Variants in FGD4 observed in about 807,000 individuals in gnomAD.
FGD4 encodes FYVE, RhoGEF and PH domain-containing protein 4.
Under a neutral mutation model 102.0 loss-of-function variants are expected in FGD4, and 42 were observed. That is an observed-to-expected ratio of 0.41 (90% CI 0.32 to 0.53). The LOEUF (loss-of-function observed/expected upper bound fraction) is 0.53, where lower values mean the gene tolerates loss of function less well. Ranked by LOEUF, FGD4 falls within the 20% of genes least tolerant of loss-of-function variation. FGD4 has a pLI of 0.21. For synonymous variants in FGD4, 380 were observed against 375.7 expected (o/e 1.01, Z -0.13); for missense variants, 902 against 1,078.2 (o/e 0.84, Z 2.29).
intron 1 of FGD4, among the ~76,000 whole-genome samples, chr12:32,471,684 G>A (rs775418524): frequency 4.6e-5 from 7 of 152,050 alleles, no homozygotes; most frequent in Non-Finnish European, 7.4e-5. Flanking sequence ...TGTGGTGTTG[G>A]CTAGGTGCTG....
At chr12:32,458,859 C>T (rs750455248) in intron 1 of FGD4, among the ~76,000 whole-genome samples, 1 of 152,138 alleles carries the variant, frequency 6.6e-6, no homozygotes, top group Non-Finnish European at 1.5e-5. Flanking sequence ...AAGCATTCAC[C>T]CATTCTGTAG....
At chr12:32,486,841 T>A (rs1355696851) in intron 1 of FGD4, among the ~76,000 whole-genome samples, 1 of 152,218 alleles carries the variant, frequency 6.6e-6, no homozygotes, top group East Asian at 1.9e-4. Context: ...AGAAACATTT[T>A]AAATTTTAAA....
chr12:32,422,838 A>G (rs10844202), intron 1 of FGD4, among the ~76,000 whole-genome samples: 14,472 of 152,192 alleles, frequency 0.095, 810 homozygotes, highest in Middle Eastern at 0.21. Flanking sequence ...TTTACTGAGT[A>G]CTTACATTTT....
intron 7 of FGD4, 77 bp from the exon 8 acceptor site, chr12:32,607,880 A>C: frequency 6.4e-7 from 1 of 1,551,256 alleles, no homozygotes; most frequent in Non-Finnish European, 8.9e-7. Flanking sequence ...CCTTGACGAA[A>C]GTTCTGTTTT....
chr12:32,629,499 G>A (rs1360732932), intron 14 of FGD4, among the ~76,000 whole-genome samples: 1 of 152,154 alleles, frequency 6.6e-6, no homozygotes, highest in Non-Finnish European at 1.5e-5. Flanking sequence ...TTCAGAAATG[G>A]ACTCATAGAA....
intron 1 of FGD4, among the ~76,000 whole-genome samples, chr12:32,503,771 C>T (rs1565782133): frequency 6.6e-6 from 1 of 151,866 alleles, no homozygotes. Context: ...TTTTTTTCAC[C>T]CATAAATGTC....
chr12:32,620,407 C>G (rs1203734398), intron 11 of FGD4, among the ~76,000 whole-genome samples: 1 of 151,948 alleles, frequency 6.6e-6, no homozygotes, highest in Non-Finnish European at 1.5e-5. Context: ...TGGCCTCTGG[C>G]AACCAGGACT....
intron 1 of FGD4, among the ~76,000 whole-genome samples, chr12:32,429,103 G>A (rs550141791): frequency 6.6e-6 from 1 of 152,128 alleles, no homozygotes; most frequent in Admixed American, 6.5e-5. Context: ...GAGAAGAGGT[G>A]TTCTGGTTTT....
chr12:32,437,093 A>G (rs1469168847), intron 1 of FGD4, among the ~76,000 whole-genome samples: 1 of 142,788 alleles, frequency 7.0e-6, no homozygotes, highest in Non-Finnish European at 1.5e-5. Context: ...TGGGTGACAG[A>G]GTGGGACTCC....
intron 2 of FGD4, among the ~76,000 whole-genome samples, chr12:32,574,365 G>A (rs1457379462): frequency 7.4e-6 from 1 of 135,734 alleles, no homozygotes; most frequent in Admixed American, 7.5e-5. Flanking sequence ...AGATTTTCCT[G>A]TTTTACTGCA....
intron 1 of FGD4, among the ~76,000 whole-genome samples, chr12:32,513,344 G>C (rs1939576367): frequency 6.6e-6 from 1 of 152,206 alleles, no homozygotes; most frequent in South Asian, 2.1e-4. Context: ...AGGTGTAGGA[G>C]TGGAATGGTT....
intron 1 of FGD4, among the ~76,000 whole-genome samples, chr12:32,509,733 G>A (rs1187908769): frequency 6.6e-6 from 1 of 152,138 alleles, no homozygotes; most frequent in Non-Finnish European, 1.5e-5. Flanking sequence ...TGGAACCCAG[G>A]GGCAATAAAT....
At chr12:32,619,942 T>C (rs1949702837) in intron 11 of FGD4, 72 bp downstream of exon 11, 1 of 1,560,492 alleles carries the variant, frequency 6.4e-7, no homozygotes, top group African/African-American at 1.4e-5. Flanking sequence ...ATAGAATGGC[T>C]CTGAGGGTTT....
At chr12:32,601,151 T>C (rs1471705186) in intron 5 of FGD4, 127 bp from the exon 6 acceptor site, 11 of 890,464 alleles carry the variant, frequency 1.2e-5, no homozygotes, top group East Asian at 1.1e-4. Context: ...TTCAAAGGAT[T>C]CTCTTGAACT....
At chr12:32,485,361 A>C (rs539159287) in intron 1 of FGD4, among the ~76,000 whole-genome samples, 1 of 151,772 alleles carries the variant, frequency 6.6e-6, no homozygotes, top group Admixed American at 6.6e-5. Flanking sequence ...CAGTTTCACT[A>C]TTCAGCATTG....
rs547570059 is a variant in FGD4, at chr12:32,485,252, T to C, written c.167-78885T>C. Reference sequence around the variant, plus strand: ...CTTTTAAAAACCTGACTTGTTTTTATATAGAAATTACTTGGGATTGCTAGG... The same window carrying C: ...CTTTTAAAAACCTGACTTGTTTTTACATAGAAATTACTTGGGATTGCTAGG... On this transcript the variant is annotated intron_variant, in intron 1 of 16. Coordinates refer to ENST00000534526, the MANE Select transcript of FGD4 (RefSeq NM_001370298.3). Among the ~76,000 whole-genome samples the C allele has an allele frequency of 1.5e-3, 229 of 152,280 alleles. 2 individuals carry two copies. The highest frequency in any genetic ancestry group is 2.8e-3 in the Admixed American group (43 of 15,294).
chr12:32,594,923 T>TG (rs1592337843), intron 4 of FGD4, among the ~76,000 whole-genome samples: 1 of 150,882 alleles, frequency 6.6e-6, no homozygotes, highest in Non-Finnish European at 1.5e-5. Flanking sequence ...GTCAGCTGCT[T>TG]GGGGGGCTGA....
rs972813238 is a variant in FGD4, at chr12:32,564,160, G to A, written c.190G>A (p.Ala64Thr). 2.3e-5 allele frequency: 35 copies of A among 1,535,892 alleles called. No individual in the cohort carries two copies. In the Admixed American group the frequency reaches 5.1e-4, roughly 22 times the overall value. Reference sequence around the variant, plus strand: ...AGGCAGCAGTACCTGTCCAAAGATCGCTTTAGTTCCACCTTGCTCCACAAG... The same window carrying A: ...AGGCAGCAGTACCTGTCCAAAGATCACTTTAGTTCCACCTTGCTCCACAAG... ...ATGSSTCPKI[A>T]LVPPCSTSST... Residue 64 changes from alanine to threonine, a missense_variant, in exon 2 of 17, where the codon GCT becomes ACT. Coordinates refer to ENST00000534526, the MANE Select transcript of FGD4 (RefSeq NM_001370298.3).
intron 1 of FGD4, among the ~76,000 whole-genome samples, chr12:32,526,739 A>C (rs559692725): frequency 1.3e-5 from 2 of 152,150 alleles, no homozygotes; most frequent in South Asian, 4.2e-4. Context: ...TGTAACACTC[A>C]CCGCGAAGAT....
Sources: allele counts gnomAD v4.1 joint callset (sites outside exome capture counted in the v4.1 genomes callset), GRCh38; gene constraint gnomAD v4.1.1; transcripts MANE v1.5; gene names NCBI Gene and HGNC (gene_info 2026-07-23, HGNC 2026-07-21).